The following LINC00305 variants were observed in gnomAD, a reference collection of about 807,000 sequenced individuals.
LINC00305 encodes long independently transcribed non-coding RNA 305, also known as long intergenic non-protein coding RNA 305.
chr18:64,086,008 C>T (rs759238928), intron 3 of LINC00305, among the ~76,000 whole-genome samples: 25 of 152,212 alleles, frequency 1.6e-4, no homozygotes, highest in Non-Finnish European at 2.5e-4. Context: ...TACTGTTACA[C>T]ACAGAATATG....
intron 1 of LINC00305, among the ~76,000 whole-genome samples, chr18:64,112,057 T>C (rs2051316808): frequency 6.6e-6 from 1 of 152,164 alleles, no homozygotes; most frequent in African/African-American, 2.4e-5. Context: ...ATAATAGTAA[T>C]CTTCAAGCTT....
At chr18:64,116,721 G>A (rs1278797598) in intron 1 of LINC00305, among the ~76,000 whole-genome samples, 1 of 152,154 alleles carries the variant, frequency 6.6e-6, no homozygotes, top group Admixed American at 6.5e-5. Flanking sequence ...TCACAGAGTT[G>A]TCATTTTTTT....
At position 64,142,683 on chromosome 18, in the gene LINC00305, A is replaced by C. The variant is rs577631890; in HGVS notation, n.314+6092T>G. On this transcript the variant is annotated intron_variant and non_coding_transcript_variant, in intron 1 of 3. Coordinates refer to ENST00000666468, the Ensembl canonical transcript of LINC00305. ...CTTACACCATGGCCACCCGCGCCCTATTCCACTCTTGTATATACACCATGG... is the reference window on the plus strand; with the variant it reads ...CTTACACCATGGCCACCCGCGCCCTCTTCCACTCTTGTATATACACCATGG... 1.2e-3 allele frequency among the ~76,000 whole-genome samples: 183 copies of C among 152,204 alleles called. 3 individuals carry two copies. The highest frequency in any genetic ancestry group is 4.3e-3 in the African/African-American group (177 of 41,532).
intron 1 of LINC00305, among the ~76,000 whole-genome samples, chr18:64,115,869 A>G (rs890126257): frequency 2.6e-5 from 4 of 152,222 alleles, no homozygotes; most frequent in African/African-American, 9.6e-5. Flanking sequence ...TTGAAAAGAA[A>G]TAATCAAAAA....
At chr18:64,114,841 T>C (rs2051330805) in intron 1 of LINC00305, among the ~76,000 whole-genome samples, 1 of 152,246 alleles carries the variant, frequency 6.6e-6, no homozygotes, top group Non-Finnish European at 1.5e-5. Flanking sequence ...GAGCCATTGC[T>C]CCTGGCCTAT....
intron 1 of LINC00305, among the ~76,000 whole-genome samples, chr18:64,136,713 A>C (rs2051436062): frequency 6.6e-6 from 1 of 152,240 alleles, no homozygotes. Flanking sequence ...GGCTGTCAGA[A>C]GAGACAATAT....
intron 1 of LINC00305, among the ~76,000 whole-genome samples, chr18:64,131,176 A>G (rs2051408266): frequency 1.3e-5 from 2 of 152,240 alleles, no homozygotes; most frequent in Non-Finnish European, 2.9e-5. Flanking sequence ...TCATCAATTG[A>G]TATGTGTTAC....
chr18:64,133,115 T>G (rs989880958), intron 1 of LINC00305, among the ~76,000 whole-genome samples: 23 of 152,262 alleles, frequency 1.5e-4, no homozygotes, highest in African/African-American at 5.3e-4. Flanking sequence ...CTGAGAAGCC[T>G]CAGAGGGAAG....
At chr18:64,092,846 T>C (rs1320477167) in intron 3 of LINC00305, among the ~76,000 whole-genome samples, 1 of 152,200 alleles carries the variant, frequency 6.6e-6, no homozygotes, top group African/African-American at 2.4e-5. Context: ...TACATTTCAT[T>C]AAGGATGTAC....
chr18:64,136,883 G>A (rs2051437152), intron 1 of LINC00305, among the ~76,000 whole-genome samples: 1 of 131,214 alleles, frequency 7.6e-6, no homozygotes, highest in Non-Finnish European at 1.6e-5. Context: ...GGACATGCTG[G>A]CTTGATCAAA....
At chr18:64,103,094 T>A (rs1029226703) in intron 1 of LINC00305, among the ~76,000 whole-genome samples, 2 of 152,218 alleles carry the variant, frequency 1.3e-5, no homozygotes, top group Non-Finnish European at 2.9e-5. Context: ...TTTTTTCTTA[T>A]TGACATACCT....
At chr18:64,097,969 C>T (rs764553442) in exon 3 of LINC00305, 6 of 457,752 alleles carry the variant, frequency 1.3e-5, no homozygotes, top group South Asian at 9.3e-5. Flanking sequence ...TTTCCCTTTT[C>T]ATCTTTGCAG....
intron 1 of LINC00305, among the ~76,000 whole-genome samples, chr18:64,114,211 A>G (rs567326375): frequency 3.9e-4 from 59 of 152,192 alleles, no homozygotes; most frequent in Non-Finnish European, 7.5e-4. Context: ...CGGAGCTTGC[A>G]GTGAGCCGAG....
At chr18:64,130,140 A>G (rs1183910505) in intron 1 of LINC00305, among the ~76,000 whole-genome samples, 1 of 152,176 alleles carries the variant, frequency 6.6e-6, no homozygotes, top group Non-Finnish European at 1.5e-5. Context: ...CCTATATACC[A>G]TGGATGATAA....
At chr18:64,115,280 G>C (rs2051332671) in intron 1 of LINC00305, among the ~76,000 whole-genome samples, 2 of 152,200 alleles carry the variant, frequency 1.3e-5, no homozygotes, top group South Asian at 2.1e-4. Flanking sequence ...GGATGACACA[G>C]TAATCTACCA....
intron 1 of LINC00305, among the ~76,000 whole-genome samples, chr18:64,118,824 CTGTGTGTGTGTGTGTGTG>C (rs58215196): frequency 2.4e-4 from 34 of 144,456 alleles, no homozygotes; most frequent in African/African-American, 2.8e-4. Flanking sequence ...CCCTGGGGGT[CTGTGTGTGTGTGTGTGTG>C]TGTGTGTGTG....
intron 1 of LINC00305, among the ~76,000 whole-genome samples, chr18:64,116,000 A>G (rs913919155): frequency 1.3e-5 from 2 of 152,210 alleles, no homozygotes; most frequent in African/African-American, 4.8e-5. Context: ...GGTAAGGCCA[A>G]TAAGCCAACA....
intron 1 of LINC00305, among the ~76,000 whole-genome samples, chr18:64,099,217 T>C (rs2051258738): frequency 6.6e-6 from 1 of 152,224 alleles, no homozygotes; most frequent in East Asian, 1.9e-4. Flanking sequence ...TAATGTTTTG[T>C]CTGTGTATTC....
rs536032907 is a variant in LINC00305, at chr18:64,103,275, C to T, written n.315-4635G>A. ...ATTCCTGTCTTTCTCAAATAGTAGT[C>T]TCTCAGTCTTCATTCGTGTGTAGAT... On this transcript the variant is annotated intron_variant and non_coding_transcript_variant, in intron 1 of 3. Transcript: ENST00000666468. 1.8e-4 allele frequency among the ~76,000 whole-genome samples: 27 copies of T among 152,310 alleles called. No individual in the cohort carries two copies. In the South Asian group the frequency reaches 5.6e-3, roughly 32 times the overall value.
Sources: gnomAD v4.1 joint callset for allele counts (sites outside exome capture counted in the v4.1 genomes callset) on GRCh38, gnomAD v4.1.1 for gene constraint, MANE v1.5 for transcripts, NCBI Gene and HGNC (gene_info 2026-07-23, HGNC 2026-07-21) for gene names.